DEPTOR: variants seen among roughly 807,000 people sequenced by gnomAD.
DEPTOR encodes the protein DEP domain containing MTOR interacting protein.
A neutral mutation model predicts 41.6 loss-of-function variants in DEPTOR; 41 were observed. The observed-to-expected ratio is 0.98, with a 90% CI of 0.77 to 1.28. The LOEUF is 1.28. Ranked by LOEUF, DEPTOR falls within the 50% of genes most tolerant of loss-of-function variation. DEPTOR has a pLI of 0.00. For synonymous variants in DEPTOR, 195 were observed against 192.3 expected (o/e 1.01, Z -0.12); for missense variants, 514 against 527.9 (o/e 0.97, Z 0.26).
intron 1 of DEPTOR, among the ~76,000 whole-genome samples, chr8:119,900,330 A>AG (rs1260048031): frequency 9.8e-6 from 1 of 102,298 alleles, no homozygotes; most frequent in Non-Finnish European, 2.1e-5. Flanking sequence ...TCTCAAAAAA[A>AG]AAAAAAAGAA....
intron 4 of DEPTOR, among the ~76,000 whole-genome samples, chr8:119,967,668 C>T (rs1048299664): frequency 5.4e-5 from 8 of 149,478 alleles, no homozygotes; most frequent in East Asian, 2.0e-4. Flanking sequence ...GCAAGAGAAT[C>T]GCTTGAACCC....
chr8:119,961,218 A>T (rs1292494460), intron 3 of DEPTOR, among the ~76,000 whole-genome samples: 3 of 151,872 alleles, frequency 2.0e-5, no homozygotes, highest in Non-Finnish European at 4.4e-5. Flanking sequence ...GGAGTTCGAG[A>T]CCAGCCTGAT....
At chr8:119,999,702 A>G (rs997575478) in intron 4 of DEPTOR, among the ~76,000 whole-genome samples, 3 of 152,236 alleles carry the variant, frequency 2.0e-5, no homozygotes, top group Non-Finnish European at 2.9e-5. Context: ...CCATTTATTT[A>G]TGTATTAAAC....
At chr8:119,907,837 G>C (rs1381230118) in intron 1 of DEPTOR, among the ~76,000 whole-genome samples, 2 of 151,886 alleles carry the variant, frequency 1.3e-5, no homozygotes, top group Non-Finnish European at 2.9e-5. Flanking sequence ...GGGCAATTGA[G>C]TTACTGTGAT....
At chr8:120,040,421 A>C (rs980713912) in intron 8 of DEPTOR, among the ~76,000 whole-genome samples, 1 of 151,822 alleles carries the variant, frequency 6.6e-6, no homozygotes, top group Non-Finnish European at 1.5e-5. Context: ...CTAAAAATAC[A>C]AAAAATTAGC....
At position 120,014,960 on chromosome 8, in the gene DEPTOR, A is replaced by G. The variant is rs557351985; in HGVS notation, c.1101+5827A>G. 2.0e-5 allele frequency among the ~76,000 whole-genome samples: 3 copies of G among 151,638 alleles called. No homozygotes were observed. In the South Asian group the frequency reaches 6.3e-4, roughly 32 times the overall value. ...AACCCATTTCTGGACAATACTATCT[A>G]TGATAACCTTATTTTACATGATCCT... On this transcript the variant is annotated intron_variant, in intron 8 of 8. Coordinates refer to ENST00000286234, the MANE Select transcript of DEPTOR (RefSeq NM_022783.4).
chr8:119,894,688 G>A (rs959931459), intron 1 of DEPTOR, among the ~76,000 whole-genome samples: 27 of 151,982 alleles, frequency 1.8e-4, no homozygotes, highest in Non-Finnish European at 3.1e-4. Flanking sequence ...GAGCCAACGC[G>A]CCTGGCCTCT....
At chr8:119,939,649 G>A (rs752044568) in intron 3 of DEPTOR, among the ~76,000 whole-genome samples, 4 of 151,892 alleles carry the variant, frequency 2.6e-5, no homozygotes, top group Non-Finnish European at 4.4e-5. Flanking sequence ...CATCATGCCC[G>A]GTTTTAGTAG....
intron 4 of DEPTOR, among the ~76,000 whole-genome samples, chr8:119,995,307 C>A (rs1455481671): frequency 6.6e-6 from 1 of 152,122 alleles, no homozygotes; most frequent in Non-Finnish European, 1.5e-5. Flanking sequence ...TAAAAGTAGG[C>A]CGGGCACGGT....
At chr8:119,940,588 A>G (rs575530028) in intron 3 of DEPTOR, among the ~76,000 whole-genome samples, 204 of 152,194 alleles carry the variant, frequency 1.3e-3, no homozygotes, top group African/African-American at 4.7e-3. Flanking sequence ...TCTACTGAAA[A>G]TACAAAAATT....
intron 4 of DEPTOR, among the ~76,000 whole-genome samples, chr8:120,000,752 C>A (rs556965234): frequency 6.6e-6 from 1 of 151,912 alleles, no homozygotes; most frequent in Non-Finnish European, 1.5e-5. Context: ...CTTGAGCCAC[C>A]GCACCTGGCC....
Position 119,894,383 on chromosome 8 carries a change from T to TA in DEPTOR, c.122+20415_122+20416insA, listed in dbSNP as rs1250051896. 4.5e-4 allele frequency among the ~76,000 whole-genome samples: 65 copies of TA among 144,304 alleles called. 1 individual carries two copies. In the East Asian group the frequency reaches 7.1e-3, roughly 16 times the overall value. 94.7% of individuals were successfully genotyped at this position (144,304 alleles called of 152,430 possible). The stretch of plus-strand genomic sequence containing the variant: ...ACTGCACCTGGCCTCTAATAGTTCT[T>TA]TTTTATTTATTTATTTATTTATTTA... On this transcript the variant is annotated intron_variant, in intron 1 of 8. Coordinates refer to ENST00000286234, the MANE Select transcript of DEPTOR (RefSeq NM_022783.4).
At chr8:119,891,980 G>GT (rs1351088881) in intron 1 of DEPTOR, among the ~76,000 whole-genome samples, 1 of 151,992 alleles carries the variant, frequency 6.6e-6, no homozygotes, top group East Asian at 1.9e-4. Flanking sequence ...AGCTACCTTT[G>GT]TTTTTTTGTT....
In DEPTOR at chr8:120,024,265, G is replaced by C. The variant is rs542977553; in HGVS notation, c.1101+15132G>C. ...AATGAATAAATAAACAAAAATAAAA[G>C]ACACCTCTGGAAGTGGCACACATGA... is the stretch of plus-strand genomic sequence containing the variant. On this transcript the variant is annotated intron_variant, in intron 8 of 8. Transcript: ENST00000286234. Among the ~76,000 whole-genome samples the C allele has an allele frequency of 2.6e-5, 4 of 152,114 alleles. No individual in the cohort carries two copies. In the East Asian group the frequency reaches 7.7e-4, roughly 29 times the overall value.
intron 3 of DEPTOR, among the ~76,000 whole-genome samples, chr8:119,961,847 C>G (rs1176802352): frequency 1.3e-5 from 2 of 152,038 alleles, no homozygotes; most frequent in African/African-American, 2.4e-5. Flanking sequence ...AAGAGACAGC[C>G]AGACTTTCAT....
chr8:120,038,827 C>T (rs1447850002), intron 8 of DEPTOR, among the ~76,000 whole-genome samples: 1 of 152,072 alleles, frequency 6.6e-6, no homozygotes, highest in African/African-American at 2.4e-5. Context: ...GGGCCAATTA[C>T]TTTACTTTCT....
At chr8:119,982,053 T>C (rs1237112995) in intron 4 of DEPTOR, among the ~76,000 whole-genome samples, 3 of 150,052 alleles carry the variant, frequency 2.0e-5, no homozygotes, top group African/African-American at 7.3e-5. Context: ...CTAGTTTTCA[T>C]TGTGGGGGTC....
chr8:119,972,761 C>T (rs1487799096), intron 4 of DEPTOR, among the ~76,000 whole-genome samples: 4 of 152,076 alleles, frequency 2.6e-5, no homozygotes, highest in Non-Finnish European at 5.9e-5. Context: ...TAACTGCAGG[C>T]CCCACTAGAA....
At chr8:119,899,746 G>T (rs1827563089) in intron 1 of DEPTOR, among the ~76,000 whole-genome samples, 1 of 152,166 alleles carries the variant, frequency 6.6e-6, no homozygotes, top group Non-Finnish European at 1.5e-5. Flanking sequence ...GTTCTTAAAT[G>T]TCTCTGGAAA....
Sources: gnomAD v4.1 joint callset for allele counts (sites outside exome capture counted in the v4.1 genomes callset) on GRCh38, gnomAD v4.1.1 for gene constraint, MANE v1.5 for transcripts, NCBI Gene and HGNC (gene_info 2026-07-23, HGNC 2026-07-21) for gene names.